Variants in PCDH7 observed in about 807,000 individuals in gnomAD.
PCDH7 encodes protocadherin 7.
PCDH7 carries 17 observed loss-of-function variants against 58.9 expected under a neutral mutation model. That is an observed-to-expected ratio of 0.29 (90% CI 0.20 to 0.43). The LOEUF (loss-of-function observed/expected upper bound fraction) is 0.43, where lower values mean the gene tolerates loss of function less well. PCDH7 is among the 20% of genes least tolerant of loss of function. The pLI is 1.00. For synonymous variants in PCDH7, 664 were observed against 616.4 expected, an observed-to-expected ratio of 1.08 and a Z score of -1.14; for missense variants, 1,274 against 1,441.0, an observed-to-expected ratio of 0.88 and a Z score of 1.88.
chr4:30,839,382 T>A (rs1730924217), intron 1 of PCDH7, among the ~76,000 whole-genome samples: 1 of 152,122 alleles, frequency 6.6e-6, no homozygotes, highest in Non-Finnish European at 1.5e-5. Context: ...TTTATATAGC[T>A]ATTGTGTGTA....
intron 3 of PCDH7, among the ~76,000 whole-genome samples, chr4:31,073,228 T>G (rs1483698391): frequency 1.3e-5 from 2 of 152,190 alleles, no homozygotes; most frequent in African/African-American, 4.8e-5. Context: ...ATTACATCAT[T>G]GAAAGCATCT....
intron 3 of PCDH7, among the ~76,000 whole-genome samples, chr4:31,127,572 T>G (rs1227166730): frequency 2.6e-5 from 4 of 152,262 alleles, no homozygotes; most frequent in Middle Eastern, 3.4e-3. Flanking sequence ...TATGAGTAGG[T>G]TCATCACAAT....
rs191676367 is a variant in PCDH7, at chr4:30,893,034, G to T, written c.71-27119G>T. Among the ~76,000 whole-genome samples the T allele has an allele frequency of 1.6e-4, 24 of 152,086 alleles. No homozygotes were observed. In the East Asian group the frequency reaches 1.9e-3, roughly 12 times the overall value. On this transcript the variant is annotated intron_variant, in intron 1 of 3. Transcript: ENST00000509759. ...CTGCATCAAGTCTGACTGTCATATT[G>T]GAGTGTGACTATCATTGTTTAAAAT...
intron 3 of PCDH7, among the ~76,000 whole-genome samples, chr4:30,995,460 C>T (rs956494042): frequency 6.6e-6 from 1 of 151,378 alleles, no homozygotes. Context: ...TGCAGTGAGT[C>T]GAGATCGTGC....
chr4:30,821,216 G>A (rs6448724), intron 1 of PCDH7, among the ~76,000 whole-genome samples: 96,722 of 152,056 alleles, frequency 0.64, 32,982 homozygotes, highest in African/African-American at 0.9. Flanking sequence ...GTCTGATTCT[G>A]AAAATCAAGT....
At chr4:30,913,094 A>T (rs914439226) in intron 1 of PCDH7, among the ~76,000 whole-genome samples, 2 of 151,328 alleles carry the variant, frequency 1.3e-5, no homozygotes, top group Non-Finnish European at 2.9e-5. Flanking sequence ...TTGGACAAAT[A>T]TTTTTCCAAA....
At chr4:30,968,973 C>A (rs1244400432) in intron 3 of PCDH7, among the ~76,000 whole-genome samples, 1 of 152,178 alleles carries the variant, frequency 6.6e-6, no homozygotes, top group Admixed American at 6.5e-5. Flanking sequence ...TATGTAACAG[C>A]TTCAGGATCC....
chr4:30,880,499 A>G (rs1736828494), intron 1 of PCDH7, among the ~76,000 whole-genome samples: 1 of 152,194 alleles, frequency 6.6e-6, no homozygotes, highest in South Asian at 2.1e-4. Context: ...ACAGCTCAAT[A>G]TAAACACCTC....
chr4:30,779,811 C>T (rs1215999818), intron 1 of PCDH7, among the ~76,000 whole-genome samples: 1 of 152,164 alleles, frequency 6.6e-6, no homozygotes, highest in African/African-American at 2.4e-5. Context: ...GTTCAAGGCT[C>T]CCCAAGTAGC....
At position 30,982,108 on chromosome 4, in the gene PCDH7, T is replaced by C. The variant is rs73815123; in HGVS notation, c.*7+31893T>C. Among the ~76,000 whole-genome samples the C allele has an allele frequency of 3.7e-3, 563 of 152,358 alleles. 3 individuals are homozygous for C. Among genetic ancestry groups the C allele is most frequent in the African/African-American group, 0.013 (538 of 41,584 alleles). On this transcript the variant is annotated intron_variant, in intron 3 of 3. Transcript: ENST00000509759. The stretch of plus-strand genomic sequence containing the variant: ...CGATAATTATGTGGGATAATGTATA[T>C]GTTAGTTAGCTCAATTGAGCCATTC...
At chr4:31,026,148 A>G (rs1215309763) in intron 3 of PCDH7, among the ~76,000 whole-genome samples, 1 of 152,220 alleles carries the variant, frequency 6.6e-6, no homozygotes, top group East Asian at 1.9e-4. Context: ...TTAGACTTTT[A>G]TCAATAACTC....
chr4:30,987,864 T>C (rs1053455300), intron 3 of PCDH7: 1 of 152,166 alleles, frequency 6.6e-6, no homozygotes, highest in Non-Finnish European at 1.5e-5. Flanking sequence ...CTTTTCTTAT[T>C]AGGGCAATTT....
chr4:30,910,882 A>C (rs1044656477), intron 1 of PCDH7, among the ~76,000 whole-genome samples: 1 of 152,170 alleles, frequency 6.6e-6, no homozygotes, highest in African/African-American at 2.4e-5. Flanking sequence ...AACACTATTC[A>C]CAAGAGTGAA....
intron 3 of PCDH7, among the ~76,000 whole-genome samples, chr4:30,984,604 G>T (rs1750820258): frequency 6.6e-6 from 1 of 152,154 alleles, no homozygotes. Flanking sequence ...AAAACTTAAG[G>T]TTTAGAATTG....
chr4:31,145,443 G>A (rs912261776), downstream of PCDH7: 2 of 151,646 alleles, frequency 1.3e-5, no homozygotes, highest in Admixed American at 1.3e-4. Flanking sequence ...TCCATATATA[G>A]AGTGCTTTTG....
chr4:31,035,979 C>A (rs114807720), intron 3 of PCDH7, among the ~76,000 whole-genome samples: 2,866 of 152,164 alleles, frequency 0.019, 84 homozygotes, highest in African/African-American at 0.065. Context: ...TTTTTCCCTA[C>A]CAGAGCACAT....
At chr4:30,744,662 G>A (rs1717539215) in intron 1 of PCDH7, among the ~76,000 whole-genome samples, 1 of 152,216 alleles carries the variant, frequency 6.6e-6, no homozygotes, top group Non-Finnish European at 1.5e-5. Context: ...GCTCACAAGA[G>A]TTAGAATATG....
chr4:30,971,422 G>T (rs923580812), intron 3 of PCDH7, among the ~76,000 whole-genome samples: 2 of 152,140 alleles, frequency 1.3e-5, no homozygotes, highest in Non-Finnish European at 1.5e-5. Context: ...GGATTATTTC[G>T]CTAAAATGTC....
At chr4:30,805,996 G>A (rs114533400) in intron 1 of PCDH7, among the ~76,000 whole-genome samples, 359 of 152,314 alleles carry the variant, frequency 2.4e-3, no homozygotes, top group Non-Finnish European at 3.7e-3. Context: ...TACTTACTAA[G>A]TGAGCATCCA....
Sources: gnomAD v4.1 joint callset for allele counts (sites outside exome capture counted in the v4.1 genomes callset) on GRCh38, gnomAD v4.1.1 for gene constraint, MANE v1.5 for transcripts, NCBI Gene and HGNC (gene_info 2026-07-23, HGNC 2026-07-21) for gene names.